MACROD1: variants seen among roughly 807,000 people sequenced by gnomAD.
MACROD1 encodes the protein mono-ADP ribosylhydrolase 1.
MACROD1 carries 31 observed loss-of-function variants against 41.4 expected under a neutral mutation model. The observed-to-expected ratio is 0.75, with a 90% CI of 0.56 to 1.01. The LOEUF (loss-of-function observed/expected upper bound fraction) is 1.01, where lower values mean the gene tolerates loss of function less well. Among genes scored for constraint, MACROD1 ranks in the 50% least tolerant of loss-of-function variants. The probability of loss-of-function intolerance (pLI) is 0.00; values close to 1 mark genes in which losing one functional copy is unlikely to be tolerated. For synonymous variants in MACROD1, 252 were observed against 203.4 expected (o/e 1.24, Z -2.03); for missense variants, 473 against 460.0 (o/e 1.03, Z -0.26).
intron 3 of MACROD1, among the ~76,000 whole-genome samples, chr11:64,028,619 C>T (rs1036274925): frequency 6.6e-5 from 10 of 152,220 alleles, no homozygotes; most frequent in Non-Finnish European, 1.3e-4. Flanking sequence ...GCAGCGGCAG[C>T]GTGCTGGTTG....
rs1942767996 is a variant in MACROD1 at position 63,999,044 on chromosome 11, A to AGGGGCTGCTCAGCCTGGGC, written c.892-27_892-9dup. Reference sequence around the variant, plus strand: ...GATGATCAGCCGGTCCACCTGCGCCAGGGGCTGCTCAGCCTGGGCCGAGCT... The same window carrying AGGGGCTGCTCAGCCTGGGC: ...GATGATCAGCCGGTCCACCTGCGCCAGGGGCTGCTCAGCCTGGGCGGGGCTGCTCAGCCTGGGCCGAGCT... On this transcript the variant is annotated splice_polypyrimidine_tract_variant and intron_variant, in intron 8 of 10. Transcript: ENST00000255681. The AGGGGCTGCTCAGCCTGGGC allele has an allele frequency of 9.4e-6, 15 of 1,598,656 alleles. No individual in the cohort carries two copies. The African/African-American group carries it at 1.2e-4, about 13-fold the overall frequency.
chr11:64,084,312 G>C (rs939853921), intron 3 of MACROD1, among the ~76,000 whole-genome samples: 1 of 152,150 alleles, frequency 6.6e-6, no homozygotes, highest in African/African-American at 2.4e-5. Flanking sequence ...ACATGTGTGA[G>C]AGTGGGGGAT....
Position 64,096,837 on chromosome 11 carries a change from A to T in MACROD1, c.517+54402T>A, listed in dbSNP as rs1944585326. ...TGCCGTGTCCCCATACCCTCCAAGC[A>T]CACTGCCAGCTGTGTCCCTTCGAGG... On this transcript the variant is annotated intron_variant, in intron 3 of 10. Coordinates refer to ENST00000255681, the MANE Select transcript of MACROD1 (RefSeq NM_014067.4). The surrounding 1 kb of genome is among the most constrained non-coding windows in gnomAD (Gnocchi z 4.6). Among the ~76,000 whole-genome samples, 1 of 152,116 alleles carries T rather than the reference A, an allele frequency of 6.6e-6. No homozygotes were observed. The highest frequency in any genetic ancestry group is 1.5e-5 in the Non-Finnish European group (1 of 68,008).
intron 3 of MACROD1, among the ~76,000 whole-genome samples, chr11:64,113,335 G>T (rs533144302): frequency 2.6e-4 from 39 of 152,338 alleles, no homozygotes; most frequent in Admixed American, 2.4e-3. Flanking sequence ...TATAGTAGAT[G>T]CTCAATAAAG....
intron 3 of MACROD1, 27 bp downstream of exon 3, chr11:64,151,212 G>C: frequency 6.3e-7 from 1 of 1,591,262 alleles, no homozygotes; most frequent in South Asian, 1.1e-5. Context: ...GCGGCCACCA[G>C]GTCTCTGGTT....
chr11:64,049,960 A>G (rs369047009), intron 3 of MACROD1, among the ~76,000 whole-genome samples: 145 of 152,324 alleles, frequency 9.5e-4, no homozygotes, highest in Admixed American at 2.5e-3. Context: ...CTCTTGGCCT[A>G]GCGATCGCAC....
intron 3 of MACROD1, among the ~76,000 whole-genome samples, chr11:64,040,272 G>A (rs765376691): frequency 6.6e-6 from 1 of 152,122 alleles, no homozygotes; most frequent in South Asian, 2.1e-4. Context: ...GTGGGATTGA[G>A]GGGGACTTCC....
At chr11:64,076,013 G>A (rs1380568846) in intron 3 of MACROD1, among the ~76,000 whole-genome samples, 1 of 152,210 alleles carries the variant, frequency 6.6e-6, no homozygotes, top group Non-Finnish European at 1.5e-5. Flanking sequence ...TCAGGCTGGG[G>A]TGAAGGAAGC....
At chr11:64,159,136 A>G (rs1266163844) in intron 1 of MACROD1, among the ~76,000 whole-genome samples, 2 of 152,052 alleles carry the variant, frequency 1.3e-5, no homozygotes, top group Non-Finnish European at 1.5e-5. Context: ...CCTGAACAAC[A>G]TGGTGAAACC....
At chr11:64,133,165 G>A (rs891198550) in intron 3 of MACROD1, among the ~76,000 whole-genome samples, 1 of 152,194 alleles carries the variant, frequency 6.6e-6, no homozygotes, top group South Asian at 2.1e-4. Flanking sequence ...CAGATGCACG[G>A]AGCCCCCACG....
rs531482770 is a variant in MACROD1, at chr11:64,152,314, C to T, written c.378G>A (p.Pro126=). The T allele has an allele frequency of 3.7e-6, 6 of 1,614,244 alleles. No individual in the cohort carries two copies. Among genetic ancestry groups the T allele is most frequent in the East Asian group, 2.2e-5 (1 of 44,890 alleles). The stretch of plus-strand genomic sequence containing the variant: ...TACCTTTCGCCATCTCCTTCCATGT[C>T]GGGATCTTCTTCAGCCTGACAAAGT... ...CKDFVRLKKI[P]TWKEMAKGVA... Residue 126 remains proline, a synonymous_variant, in exon 2 of 11, where the codon CCG becomes CCA. Transcript: ENST00000255681.
intron 3 of MACROD1, among the ~76,000 whole-genome samples, chr11:64,128,888 G>A (rs1043028064): frequency 7.9e-5 from 12 of 152,234 alleles, no homozygotes; most frequent in African/African-American, 2.9e-4. Context: ...GGAATGAAGA[G>A]TGAGTCGATA....
intron 5 of MACROD1, 62 bp from the exon 6 acceptor site, chr11:63,999,825 C>A: frequency 6.5e-7 from 1 of 1,543,724 alleles, no homozygotes; most frequent in Non-Finnish European, 8.7e-7. Flanking sequence ...CCCTCGCTTC[C>A]CCCTGCCGGC....
chr11:64,118,566 A>C, intron 3 of MACROD1: 1 of 390,512 alleles, frequency 2.6e-6, no homozygotes, highest in Non-Finnish European at 4.8e-6. Context: ...AAGGACTAAA[A>C]ATAATATTGC....
chr11:64,001,781 C>T (rs753994777), intron 4 of MACROD1: 25 of 701,538 alleles, frequency 3.6e-5, no homozygotes, highest in Middle Eastern at 2.4e-4. Flanking sequence ...CCAGAGCGGG[C>T]GTCCAGGCTG....
chr11:64,031,479 T>TTTC lies in MACROD1; in HGVS notation c.518-16199_518-16198insGAA, dbSNP rs1157740626. 2.8e-5 allele frequency among the ~76,000 whole-genome samples: 4 copies of TTTC among 142,808 alleles called. No homozygotes were observed. The South Asian group carries it at 9.3e-4, about 33-fold the overall frequency. The allele number at this position is 142,808 out of a possible 152,430, so 93.7% of individuals were successfully genotyped here. A position where few individuals can be genotyped will look rare whatever the true frequency, so the allele number is the denominator to read the frequency against. On this transcript the variant is annotated intron_variant, in intron 3 of 10. Coordinates refer to ENST00000255681, the MANE Select transcript of MACROD1 (RefSeq NM_014067.4). ...GCCTGCCTGCCTGCCTGCCTTCCTT[T>TTTC]TTTTTTTTTTTTTTTTGTGACGTAG... is the stretch of plus-strand genomic sequence containing the variant.
intron 3 of MACROD1, chr11:64,118,594 GTT>G (rs10570373): frequency 0.01 from 2,416 of 237,920 alleles, 2 homozygotes; most frequent in Middle Eastern, 0.019. Context: ...GCTGGGTTGG[GTT>G]TTTTTTTTTT....
Position 64,120,482 on chromosome 11 carries a change from T to C in MACROD1, c.517+30757A>G, listed in dbSNP as rs945554694. Among the ~76,000 whole-genome samples the C allele has an allele frequency of 1.3e-5, 2 of 151,190 alleles. No homozygotes were observed. The highest frequency in any genetic ancestry group is 6.6e-5 in the Admixed American group (1 of 15,190). ...CAGGCAGATTTTCTGAGGTCAGGAG[T>C]TTGAGACCAGCCTGGCCAACATGGT... On this transcript the variant is annotated intron_variant, in intron 3 of 10. Transcript: ENST00000255681. The surrounding 1 kb of genome is among the most constrained non-coding windows in gnomAD (Gnocchi z 4.5).
chr11:64,007,577 A>G (rs1404182025), intron 4 of MACROD1, among the ~76,000 whole-genome samples: 1 of 152,064 alleles, frequency 6.6e-6, no homozygotes, highest in African/African-American at 2.4e-5. Flanking sequence ...CGAGGAGTCG[A>G]GCAATTGGGA....
Sources: gnomAD v4.1 joint callset for allele counts (sites outside exome capture counted in the v4.1 genomes callset) on GRCh38, gnomAD v4.1.1 for gene constraint, Gnocchi (gnomAD v3.1) non-coding constraint, MANE v1.5 for transcripts, NCBI Gene and HGNC (gene_info 2026-07-23, HGNC 2026-07-21) for gene names.